ITPR2: variants seen among roughly 807,000 people sequenced by gnomAD.
ITPR2 encodes inositol 1,4,5-trisphosphate-gated calcium channel ITPR2.
A neutral mutation model predicts 317.1 loss-of-function variants in ITPR2; 207 were observed. That is an observed-to-expected ratio of 0.65 (90% CI 0.58 to 0.73). The LOEUF (loss-of-function observed/expected upper bound fraction) is 0.73, where lower values mean the gene tolerates loss of function less well. Ranked by LOEUF, ITPR2 falls within the 30% of genes least tolerant of loss-of-function variation. The pLI, the probability that ITPR2 is intolerant of heterozygous loss-of-function variation, is 0.00. For missense variants in ITPR2, 2,613 were observed against 3,284.0 expected, an observed-to-expected ratio of 0.80 and a Z score of 4.99; for synonymous variants, 1,156 against 1,149.1, an observed-to-expected ratio of 1.01 and a Z score of -0.12.
rs1360699580 is a variant in ITPR2 at position 26,486,475 on chromosome 12, C to T, written c.5555-115G>A. On this transcript the variant is annotated intron_variant, in intron 40 of 56. Transcript: ENST00000381340. Reference sequence around the variant, plus strand: ...AACAATTGAATTAAAAATAATCTGACAAAAGGTGCAACAATTTCCAAAAAG... The same window carrying T: ...AACAATTGAATTAAAAATAATCTGATAAAAGGTGCAACAATTTCCAAAAAG... The T allele has an allele frequency of 3.4e-6, 3 of 879,112 alleles. No homozygotes were observed. The East Asian group carries it at 7.9e-5, about 23-fold the overall frequency. 54.5% of individuals were successfully genotyped at this position (879,112 alleles called of 1,614,324 possible).
chr12:26,824,951 G>T (rs973340725), intron 1 of ITPR2, among the ~76,000 whole-genome samples: 1 of 152,146 alleles, frequency 6.6e-6, no homozygotes, highest in Non-Finnish European at 1.5e-5. Context: ...AAGTGAATGG[G>T]CTGGGCGCAG....
chr12:26,340,318 A>G lies in ITPR2; in HGVS notation c.7868T>C (p.Leu2623Ser), dbSNP rs777312617. 1 of 1,599,718 alleles carries G rather than the reference A, an allele frequency of 6.3e-7. No individual in the cohort carries two copies. The highest frequency in any genetic ancestry group is 8.5e-7 in the Non-Finnish European group (1 of 1,173,074). ...GGCTCGCATCCGAGGAAACCAATCC[A>G]AATTCTTCTCCTGAAAGCAAATAAA... ...YVAQMIVEKNLDWFPRMRAMS... is the reference protein window; with the variant it reads ...YVAQMIVEKNSDWFPRMRAMS... The change falls in exon 56 of 57, where the codon TTG becomes TCG. Residue 2623 changes from leucine (L) to serine (S), a missense_variant. By Grantham distance (145) the Leu-to-Ser change is moderately radical. Coordinates refer to ENST00000381340, the MANE Select transcript of ITPR2 (RefSeq NM_002223.4).
intron 9 of ITPR2, among the ~76,000 whole-genome samples, chr12:26,702,420 G>GT (rs147003640): frequency 1.4e-4 from 16 of 113,444 alleles, no homozygotes; most frequent in African/African-American, 3.9e-4. Flanking sequence ...GGGGGTTGGT[G>GT]TTTTTTTTTT....
chr12:26,550,022 T>C (rs1035049569), intron 37 of ITPR2, among the ~76,000 whole-genome samples: 4 of 151,778 alleles, frequency 2.6e-5, no homozygotes, highest in Non-Finnish European at 5.9e-5. Context: ...TATAAGAATA[T>C]AATAAAACAA....
intron 37 of ITPR2, among the ~76,000 whole-genome samples, chr12:26,521,071 T>G (rs896756276): frequency 6.6e-6 from 1 of 152,190 alleles, no homozygotes; most frequent in Non-Finnish European, 1.5e-5. Flanking sequence ...CTAAGTAGCT[T>G]CCTTTCTATG....
chr12:26,562,744 C>T (rs1315740869), intron 34 of ITPR2, among the ~76,000 whole-genome samples: 1 of 143,440 alleles, frequency 7.0e-6, no homozygotes, highest in Admixed American at 7.0e-5. Flanking sequence ...GGAAGGGGAA[C>T]ATCACACACC....
chr12:26,358,737 G>A (rs1246023829), intron 55 of ITPR2, among the ~76,000 whole-genome samples: 2 of 151,548 alleles, frequency 1.3e-5, no homozygotes, highest in Non-Finnish European at 2.9e-5. Context: ...TCCTTTCCTA[G>A]CCCAGGGGGC....
chr12:26,772,407 T>C (rs1161562444), intron 2 of ITPR2, among the ~76,000 whole-genome samples: 2 of 113,392 alleles, frequency 1.8e-5, no homozygotes, highest in African/African-American at 2.9e-5. Flanking sequence ...ATATATAATA[T>C]ACACATTTAT....
intron 26 of ITPR2, among the ~76,000 whole-genome samples, chr12:26,620,849 C>T (rs1473289783): frequency 6.6e-6 from 1 of 152,164 alleles, no homozygotes; most frequent in Non-Finnish European, 1.5e-5. Flanking sequence ...CCACTCCTTC[C>T]TATTTTCTTG....
At chr12:26,478,471 G>T (rs1413280574) in intron 43 of ITPR2, among the ~76,000 whole-genome samples, 2 of 151,922 alleles carry the variant, frequency 1.3e-5, no homozygotes, top group African/African-American at 2.4e-5. Context: ...CTAAAACCTT[G>T]GCAACACTGA....
At chr12:26,423,452 C>G (rs2055469) in intron 49 of ITPR2, among the ~76,000 whole-genome samples, 142,704 of 152,196 alleles carry the variant, frequency 0.94, 66,951 homozygotes, top group East Asian at 1. Flanking sequence ...GTGAGACCAA[C>G]TTATTAAATG....
At chr12:26,665,134 T>C (rs1592012784) in intron 14 of ITPR2, among the ~76,000 whole-genome samples, 1 of 152,220 alleles carries the variant, frequency 6.6e-6, no homozygotes, top group South Asian at 2.1e-4. Context: ...TTCAAGAAGA[T>C]GTAATACAGG....
chr12:26,701,803 C>A (rs1207592337), intron 9 of ITPR2, among the ~76,000 whole-genome samples: 2 of 152,224 alleles, frequency 1.3e-5, no homozygotes, highest in African/African-American at 4.8e-5. Context: ...GTGTTTACTG[C>A]CATCTGGTGG....
chr12:26,378,446 T>C (rs1360339783), intron 55 of ITPR2, among the ~76,000 whole-genome samples: 1 of 152,098 alleles, frequency 6.6e-6, no homozygotes, highest in Non-Finnish European at 1.5e-5. Context: ...GAAATGAGAC[T>C]GGTAATATAG....
At chr12:26,807,113 T>C (rs2137255698) in intron 1 of ITPR2, among the ~76,000 whole-genome samples, 1 of 152,002 alleles carries the variant, frequency 6.6e-6, no homozygotes, top group East Asian at 1.9e-4. Flanking sequence ...CACTTGAACC[T>C]GGGAGGTGGA....
rs531218552 is a variant in ITPR2 at position 26,418,539 on chromosome 12, G to A, written c.7110+510C>T. On this transcript the variant is annotated intron_variant, in intron 50 of 56. Coordinates refer to ENST00000381340, the MANE Select transcript of ITPR2 (RefSeq NM_002223.4). ...ATATGTAGATAAGTTTAACAGCAAG[G>A]ACATATTAAACCAAAAACTATAAGA... Among the ~76,000 whole-genome samples, 9 of 152,194 alleles carry A rather than the reference G, an allele frequency of 5.9e-5. No individual in the cohort carries two copies. In the South Asian group the frequency reaches 1.2e-3, roughly 21 times the overall value.
intron 4 of ITPR2, among the ~76,000 whole-genome samples, chr12:26,724,392 T>A (rs1432778454): frequency 6.6e-6 from 1 of 152,226 alleles, no homozygotes; most frequent in African/African-American, 2.4e-5. Context: ...AATTGTTTCC[T>A]GACCCTCTTC....
chr12:26,528,913 G>A (rs1943878561), intron 37 of ITPR2, among the ~76,000 whole-genome samples: 1 of 152,204 alleles, frequency 6.6e-6, no homozygotes, highest in African/African-American at 2.4e-5. Flanking sequence ...TACTCATGCC[G>A]CAATCCTTAC....
chr12:26,747,307 C>T (rs1363765706), intron 2 of ITPR2, among the ~76,000 whole-genome samples: 1 of 152,174 alleles, frequency 6.6e-6, no homozygotes, highest in Non-Finnish European at 1.5e-5. Flanking sequence ...CTTTTGTCCT[C>T]ACTTAACTGG....
Sources: allele counts gnomAD v4.1 joint callset (sites outside exome capture counted in the v4.1 genomes callset), GRCh38; gene constraint gnomAD v4.1.1; transcripts MANE v1.5; gene names NCBI Gene and HGNC (gene_info 2026-07-23, HGNC 2026-07-21).